The following PLD5 variants were observed in gnomAD, a reference collection of about 807,000 sequenced individuals.
PLD5 encodes inactive phospholipase D5.
PLD5 carries 36 observed loss-of-function variants against 61.1 expected under a neutral mutation model. That is an observed-to-expected ratio of 0.59 (90% CI 0.45 to 0.78). PLD5 has a LOEUF of 0.78. PLD5 is among the 30% of genes least tolerant of loss of function. PLD5 has a pLI of 0.00. For missense variants in PLD5, 515 were observed against 644.4 expected, an observed-to-expected ratio of 0.80 and a Z score of 2.17; for synonymous variants, 243 against 242.8, an observed-to-expected ratio of 1.00 and a Z score of -0.01.
At chr1:242,137,297 C>T (rs1663809890) in intron 5 of PLD5, among the ~76,000 whole-genome samples, 1 of 152,188 alleles carries the variant, frequency 6.6e-6, no homozygotes, top group African/African-American at 2.4e-5. Context: ...TCCCCAGTAA[C>T]CCTTTATCTC....
chr1:242,275,498 G>GACCTTGGA (rs1674362587), intron 3 of PLD5, among the ~76,000 whole-genome samples: 1 of 152,118 alleles, frequency 6.6e-6, no homozygotes, highest in Non-Finnish European at 1.5e-5. Context: ...ATTCTCAAAT[G>GACCTTGGA]ACCTTGGATA....
chr1:242,303,203 A>G (rs2149163544), intron 2 of PLD5, among the ~76,000 whole-genome samples: 1 of 152,342 alleles, frequency 6.6e-6, no homozygotes, highest in South Asian at 2.1e-4. Context: ...AATAGCAAAT[A>G]CATGCTGACT....
intron 6 of PLD5, among the ~76,000 whole-genome samples, chr1:242,118,684 A>G (rs979126954): frequency 6.6e-6 from 1 of 152,120 alleles, no homozygotes; most frequent in Non-Finnish European, 1.5e-5. Flanking sequence ...GACCTGCCTT[A>G]TTGCTTCCTG....
chr1:242,394,033 C>T (rs972516359), intron 1 of PLD5, among the ~76,000 whole-genome samples: 2 of 141,668 alleles, frequency 1.4e-5, no homozygotes, highest in Non-Finnish European at 3.0e-5. Context: ...GAACTCCAGC[C>T]TGGATAAGAC....
At chr1:242,158,472 G>T (rs1344830899) in intron 5 of PLD5, among the ~76,000 whole-genome samples, 1 of 152,162 alleles carries the variant, frequency 6.6e-6, no homozygotes, top group Non-Finnish European at 1.5e-5. Context: ...CTGGTCTGCG[G>T]GTTGCGAAGA....
Position 242,145,643 on chromosome 1 carries a change from C to T in PLD5, c.736-20978G>A, listed in dbSNP as rs1160814089. On this transcript the variant is annotated intron_variant, in intron 5 of 9. Coordinates refer to ENST00000536534, the MANE Select transcript of PLD5 (RefSeq NM_001372062.1). The stretch of plus-strand genomic sequence containing the variant: ...GAGGACAATTTCAAGAAGACAGCAA[C>T]ATGGCCCATCCAACAGGAAGTCTCA... 2.0e-5 allele frequency among the ~76,000 whole-genome samples: 3 copies of T among 152,090 alleles called. No individual in the cohort carries two copies. In the East Asian group the frequency reaches 5.8e-4, roughly 29 times the overall value.
intron 9 of PLD5, among the ~76,000 whole-genome samples, chr1:242,090,572 C>T (rs1205113714): frequency 1.3e-5 from 2 of 152,222 alleles, no homozygotes; most frequent in African/African-American, 2.4e-5. Flanking sequence ...CCAGAGGAGA[C>T]TCAGTTCCTA....
At chr1:242,142,909 G>T (rs770656889) in intron 5 of PLD5, among the ~76,000 whole-genome samples, 1 of 151,668 alleles carries the variant, frequency 6.6e-6, no homozygotes, top group Non-Finnish European at 1.5e-5. Flanking sequence ...GTAGAGATGG[G>T]GTTTCACCAT....
chr1:242,358,946 C>T (rs1255185813), intron 1 of PLD5, among the ~76,000 whole-genome samples: 3 of 151,934 alleles, frequency 2.0e-5, no homozygotes, highest in Non-Finnish European at 4.4e-5. Context: ...TTTTCTCATT[C>T]CCTGAGGAGC....
intron 1 of PLD5, among the ~76,000 whole-genome samples, chr1:242,452,188 T>A (rs1462105005): frequency 6.6e-6 from 1 of 152,150 alleles, no homozygotes; most frequent in African/African-American, 2.4e-5. Context: ...TGAAAAATGT[T>A]CATACAGTGT....
chr1:242,424,997 T>C (rs1665339980), intron 1 of PLD5, among the ~76,000 whole-genome samples: 1 of 152,018 alleles, frequency 6.6e-6, no homozygotes, highest in Non-Finnish European at 1.5e-5. Flanking sequence ...CTGGGTGTGG[T>C]TGTGCACGCC....
intron 1 of PLD5, among the ~76,000 whole-genome samples, chr1:242,486,229 C>G (rs1301539924): frequency 5.3e-5 from 8 of 152,210 alleles, no homozygotes; most frequent in Non-Finnish European, 1.2e-4. Context: ...TCTAATTAAA[C>G]TAAAGAGCTT....
chr1:242,087,066 G>A lies in PLD5; in HGVS notation c.*2788C>T, dbSNP rs192256736. On this transcript the variant is annotated 3_prime_UTR_variant, in exon 10 of 10. Transcript: ENST00000536534. ...AAGGAAAGCCGTCTCTAGAGGGATAGCTAAAGCATCCAAATGAAAGAAAGT... is the reference window on the plus strand; with the variant it reads ...AAGGAAAGCCGTCTCTAGAGGGATAACTAAAGCATCCAAATGAAAGAAAGT... 2 of 152,322 alleles carry A rather than the reference G, an allele frequency of 1.3e-5. No homozygotes were observed. The highest frequency in any genetic ancestry group is 1.5e-5 in the Non-Finnish European group (1 of 68,036). 9.4% of individuals were successfully genotyped at this position (152,322 alleles called of 1,614,324 possible).
intron 1 of PLD5, among the ~76,000 whole-genome samples, chr1:242,393,954 G>C (rs1027974361): frequency 1.4e-5 from 2 of 142,874 alleles, no homozygotes; most frequent in African/African-American, 5.2e-5. Flanking sequence ...CAGCTACTCA[G>C]GAGGCTGAGG....
chr1:242,291,642 T>TA (rs1177128779), intron 2 of PLD5, among the ~76,000 whole-genome samples: 1 of 151,888 alleles, frequency 6.6e-6, no homozygotes, highest in East Asian at 1.9e-4. Context: ...CCGTCTCTAC[T>TA]AAAAATACAA....
At chr1:242,192,478 C>T (rs1031022709) in intron 5 of PLD5, among the ~76,000 whole-genome samples, 4 of 152,100 alleles carry the variant, frequency 2.6e-5, no homozygotes, top group East Asian at 3.9e-4. Flanking sequence ...CTTCATTGCA[C>T]TTCCAATAAA....
At chr1:242,379,120 T>C (rs1662139087) in intron 1 of PLD5, among the ~76,000 whole-genome samples, 1 of 152,182 alleles carries the variant, frequency 6.6e-6, no homozygotes, top group Admixed American at 6.6e-5. Context: ...TTAATATATC[T>C]GTCCAGCAGT....
chr1:242,316,427 C>T (rs1261469144), intron 2 of PLD5, among the ~76,000 whole-genome samples: 1 of 152,094 alleles, frequency 6.6e-6, no homozygotes. Context: ...TCGGTTGAGG[C>T]TGGAAGAACA....
At chr1:242,103,639 C>T (rs2148674828) in intron 8 of PLD5, among the ~76,000 whole-genome samples, 1 of 152,326 alleles carries the variant, frequency 6.6e-6, no homozygotes, top group African/African-American at 2.4e-5. Context: ...CCTAGGACTG[C>T]ACCTGCTTCT....
Sources: allele counts gnomAD v4.1 joint callset (sites outside exome capture counted in the v4.1 genomes callset), GRCh38; gene constraint gnomAD v4.1.1; transcripts MANE v1.5; gene names NCBI Gene and HGNC (gene_info 2026-07-23, HGNC 2026-07-21).